The following CACNA1C variants were observed in gnomAD, a reference collection of about 807,000 sequenced individuals.
CACNA1C encodes calcium voltage-gated channel subunit alpha1 C.
A neutral mutation model predicts 229.0 loss-of-function variants in CACNA1C; 30 were observed. The observed-to-expected ratio is 0.13, with a 90% CI of 0.10 to 0.18. CACNA1C has a LOEUF of 0.18. Ranked by LOEUF, CACNA1C falls within the 10% of genes least tolerant of loss-of-function variation. The pLI is 1.00. For synonymous variants in CACNA1C, 1,114 were observed against 1,132.5 expected (o/e 0.98, Z 0.33); for missense variants, 1,658 against 2,845.0 (o/e 0.58, Z 9.49).
chr12:2,197,902 G>A (rs1279183596), intron 3 of CACNA1C, among the ~76,000 whole-genome samples: 1 of 152,232 alleles, frequency 6.6e-6, no homozygotes, highest in African/African-American at 2.4e-5. Context: ...GAACTGCAGT[G>A]TTAAGAGATG....
At chr12:2,017,795 G>A (rs987123863) in intron 1 of CACNA1C, among the ~76,000 whole-genome samples, 3 of 151,976 alleles carry the variant, frequency 2.0e-5, no homozygotes, top group African/African-American at 2.4e-5. Flanking sequence ...GTCAGCTGTC[G>A]GTGTGTCCTC....
At chr12:2,509,706 TCAC>T (rs2099779424) in intron 8 of CACNA1C, among the ~76,000 whole-genome samples, 2 of 151,870 alleles carry the variant, frequency 1.3e-5, no homozygotes, top group South Asian at 4.2e-4. Flanking sequence ...AACAGCAAAA[TCAC>T]CAACAAAAAG....
chr12:2,648,393 C>T, intron 30 of CACNA1C, 82 bp from the exon 31 acceptor site: 1 of 1,297,924 alleles, frequency 7.7e-7, no homozygotes, highest in East Asian at 2.3e-5. Flanking sequence ...CTGTGTTGCT[C>T]CCGTGTCAGC....
rs1198639392 is a variant in CACNA1C, at chr12:2,666,668, C to T, written c.4527-18C>T. Reference sequence around the variant, plus strand: ...GTGGCTCTCTGATGCCCTGTCCCTCCTCTCCCTCCTCTTCTAGGGGTCGTA... The same window carrying T: ...GTGGCTCTCTGATGCCCTGTCCCTCTTCTCCCTCCTCTTCTAGGGGTCGTA... On this transcript the variant is annotated intron_variant, in intron 36 of 46. Transcript: ENST00000399655. This position sits in a 1 kb window ranked among gnomAD's most constrained non-coding sequence, Gnocchi z 5.3. 1 of 1,537,934 alleles carries T rather than the reference C, an allele frequency of 6.5e-7. No individual in the cohort carries two copies. The highest frequency in any genetic ancestry group is 1.2e-5 in the South Asian group (1 of 84,572).
intron 3 of CACNA1C, among the ~76,000 whole-genome samples, chr12:2,167,156 G>A (rs1390682503): frequency 6.6e-6 from 1 of 152,214 alleles, no homozygotes; most frequent in Non-Finnish European, 1.5e-5. Flanking sequence ...AGCAGAAGAA[G>A]GAAGCAGGTA....
chr12:2,103,455 C>T (rs971779211), intron 1 of CACNA1C, among the ~76,000 whole-genome samples: 1 of 151,688 alleles, frequency 6.6e-6, no homozygotes, highest in Non-Finnish European at 1.5e-5. Flanking sequence ...TGTTTAAGTT[C>T]TTTGTAGATT....
At chr12:2,062,265 GGTGCTTCAT>G (rs1425203541) in intron 1 of CACNA1C, among the ~76,000 whole-genome samples, 2 of 152,148 alleles carry the variant, frequency 1.3e-5, no homozygotes, top group Non-Finnish European at 2.9e-5. Flanking sequence ...CAATGTTCTT[GGTGCTTCAT>G]GTGCTTAATA....
intron 3 of CACNA1C, among the ~76,000 whole-genome samples, chr12:2,444,057 C>T (rs932695362): frequency 1.3e-5 from 2 of 152,188 alleles, no homozygotes; most frequent in African/African-American, 4.8e-5. Context: ...TGTTCAGACC[C>T]GCTCTTACTG....
At chr12:2,089,857 A>AC in intron 1 of CACNA1C, among the ~76,000 whole-genome samples, 1 of 120,922 alleles carries the variant, frequency 8.3e-6, no homozygotes, top group East Asian at 2.1e-4. Flanking sequence ...ACATAGTGAA[A>AC]CCCCTACTAA....
intron 3 of CACNA1C, among the ~76,000 whole-genome samples, chr12:2,153,714 G>C (rs1448332843): frequency 6.6e-6 from 1 of 152,162 alleles, no homozygotes; most frequent in East Asian, 1.9e-4. Flanking sequence ...CGTGGGGTGG[G>C]GCAGCCCTCT....
Position 2,602,009 on chromosome 12 carries a change from G to A in CACNA1C, c.2960+49G>A. Reference sequence around the variant, plus strand: ...CGATGGGCCATGCAGCTAGCAAGGGGTGCCAGAGAGGACAACCAGACCCTG... The same window carrying A: ...CGATGGGCCATGCAGCTAGCAAGGGATGCCAGAGAGGACAACCAGACCCTG... On this transcript the variant is annotated intron_variant, in intron 22 of 46. Transcript: ENST00000399655. This position sits in a 1 kb window ranked among gnomAD's most constrained non-coding sequence, Gnocchi z 4.4. 7.9e-7 allele frequency: 1 copy of A among 1,266,798 alleles called. No homozygotes were observed. The highest frequency in any genetic ancestry group is 1.2e-6 in the Non-Finnish European group (1 of 863,508). The allele number at this position is 1,266,798 out of a possible 1,614,324, so 78.5% of individuals were successfully genotyped here. A position where few individuals can be genotyped will look rare whatever the true frequency, so the allele number is the denominator to read the frequency against.
intron 1 of CACNA1C, among the ~76,000 whole-genome samples, chr12:2,032,401 C>T (rs1232297375): frequency 6.6e-6 from 1 of 151,790 alleles, no homozygotes; most frequent in Non-Finnish European, 1.5e-5. Flanking sequence ...CTGTGGATGG[C>T]ACACATAGAG....
chr12:2,521,146 C>CT (rs1336588014), intron 9 of CACNA1C, among the ~76,000 whole-genome samples: 1 of 152,190 alleles, frequency 6.6e-6, no homozygotes, highest in Non-Finnish European at 1.5e-5. Context: ...GAGAAAGACA[C>CT]CAGAAGAAGG....
intron 9 of CACNA1C, among the ~76,000 whole-genome samples, chr12:2,539,045 C>A (rs1028570049): frequency 2.0e-5 from 3 of 152,262 alleles, no homozygotes; most frequent in Non-Finnish European, 4.4e-5. Context: ...CTGTCATTCT[C>A]TGCCATTTAC....
chr12:2,198,299 G>A (rs914242562), intron 3 of CACNA1C, among the ~76,000 whole-genome samples: 4 of 152,130 alleles, frequency 2.6e-5, no homozygotes, highest in African/African-American at 7.2e-5. Context: ...CTCTCTCCCC[G>A]CCTCTGCCTC....
chr12:2,471,608 GT>G lies in CACNA1C; in HGVS notation c.757+13911del, dbSNP rs567836565. ...CTGGTATAGAGTTCTTGATTGACAG[GT>G]TTTTTTTTCTTTCAGAACTTTAAAG... On this transcript the variant is annotated intron_variant, in intron 5 of 46. Coordinates refer to ENST00000399655, the MANE Select transcript of CACNA1C (RefSeq NM_000719.7). 1.2e-3 allele frequency among the ~76,000 whole-genome samples: 176 copies of G among 151,290 alleles called. 2 individuals carry two copies. The highest frequency in any genetic ancestry group is 2.7e-3 in the Admixed American group (41 of 15,188).
chr12:2,680,225 G>C (rs2097065722), intron 42 of CACNA1C: 1 of 611,038 alleles, frequency 1.6e-6, no homozygotes, highest in South Asian at 2.6e-5. Context: ...GCCTCCCGGA[G>C]AGGGCATCCC....
chr12:2,370,592 A>G (rs1486383507), intron 3 of CACNA1C, among the ~76,000 whole-genome samples: 1 of 152,242 alleles, frequency 6.6e-6, no homozygotes, highest in Non-Finnish European at 1.5e-5. Flanking sequence ...GAATTTGAAT[A>G]AAGTTTAAAA....
chr12:2,390,071 A>G (rs945679004), intron 3 of CACNA1C, among the ~76,000 whole-genome samples: 12 of 152,230 alleles, frequency 7.9e-5, no homozygotes, highest in Non-Finnish European at 8.8e-5. Context: ...TTGAGGGGTT[A>G]TTTGACCCAT....
Sources: allele counts gnomAD v4.1 joint callset (sites outside exome capture counted in the v4.1 genomes callset), GRCh38; gene constraint gnomAD v4.1.1; non-coding constraint Gnocchi (gnomAD v3.1); transcripts MANE v1.5; gene names NCBI Gene and HGNC (gene_info 2026-07-23, HGNC 2026-07-21).